TRAF2: variants seen among roughly 807,000 people sequenced by gnomAD.
The protein encoded by TRAF2 is TNF receptor-associated factor 2.
Under a neutral mutation model 55.6 loss-of-function variants are expected in TRAF2, and 6 were observed. The observed-to-expected ratio is 0.11, with a 90% CI of 0.06 to 0.21. The LOEUF is 0.21. Among genes scored for constraint, TRAF2 ranks in the 10% least tolerant of loss-of-function variants. The pLI, the probability that TRAF2 is intolerant of heterozygous loss-of-function variation, is 1.00. For missense variants in TRAF2, 561 were observed against 684.5 expected, an observed-to-expected ratio of 0.82 and a Z score of 2.01; for synonymous variants, 329 against 276.3, an observed-to-expected ratio of 1.19 and a Z score of -1.89.
At chr9:136,916,427 A>G in intron 6 of TRAF2, 114 bp from the exon 7 acceptor site, 1 of 1,031,902 alleles carries the variant, frequency 9.7e-7, no homozygotes, top group Non-Finnish European at 1.5e-6. Context: ...GTGAGAGTGA[A>G]GAGGCCAACG....
chr9:136,906,300 G>A lies in TRAF2; in HGVS notation c.367-1770G>A, dbSNP rs192774797. Among the ~76,000 whole-genome samples the A allele has an allele frequency of 2.5e-3, 377 of 152,172 alleles. 2 individuals carry two copies. The highest frequency in any genetic ancestry group is 8.6e-3 in the African/African-American group (357 of 41,488). ...TTCATACTACTATAAAGAAATACCC[G>A]AGACTTGGGTAGTTTATAAAGAAAA... is the stretch of plus-strand genomic sequence containing the variant. On this transcript the variant is annotated intron_variant, in intron 4 of 10. Coordinates refer to ENST00000247668, the MANE Select transcript of TRAF2 (RefSeq NM_021138.4).
rs750357955 is a variant in TRAF2 at position 136,926,078 on chromosome 9, G to A, written c.*177G>A. On this transcript the variant is annotated 3_prime_UTR_variant, in exon 11 of 11. Coordinates refer to ENST00000247668, the MANE Select transcript of TRAF2 (RefSeq NM_021138.4). ...TCACGGGGGAAGGAGCCACCAGCCAGTCCTCAGATTTCAGAGACTGCGGAG... is the reference window on the plus strand; with the variant it reads ...TCACGGGGGAAGGAGCCACCAGCCAATCCTCAGATTTCAGAGACTGCGGAG... 9.7e-6 allele frequency: 8 copies of A among 828,930 alleles called. No homozygotes were observed. Among genetic ancestry groups the A allele is most frequent in the Non-Finnish European group, 1.5e-5 (7 of 482,444 alleles). The allele number at this position is 828,930 out of a possible 1,614,324, so 51.3% of individuals were successfully genotyped here.
upstream of TRAF2, among the ~76,000 whole-genome samples, chr9:136,882,969 C>G (rs1017265257): frequency 2.1e-4 from 32 of 152,234 alleles, no homozygotes; most frequent in Non-Finnish European, 4.3e-4. Flanking sequence ...CTCGCAGGTT[C>G]AAGCGATTTT....
Position 136,898,772 on chromosome 9 carries a change from C to T in TRAF2, c.32C>T (p.Ser11Phe). MAAASVTPPG[S>F]LELLQPGFSK... ...GCAGCTAGCGTGACCCCCCCTGGCT[C>T]CCTGGAGTTGCTACAGCCCGGCTTC... Residue 11 changes from serine (S) to phenylalanine (F), a missense_variant, in exon 2 of 11, where the codon TCC (serine) becomes TTC (phenylalanine). By Grantham distance (155) the Ser-to-Phe change is radical. Transcript: ENST00000247668. The T allele has an allele frequency of 1.2e-6, 2 of 1,613,744 alleles. No individual in the cohort carries two copies. The highest frequency in any genetic ancestry group is 1.7e-6 in the Non-Finnish European group (2 of 1,180,032).
intron 7 of TRAF2, 188 bp downstream of exon 7, chr9:136,916,803 T>G (rs1243821676): frequency 1.3e-5 from 8 of 606,602 alleles, no homozygotes; most frequent in Non-Finnish European, 2.1e-5. Flanking sequence ...GTCCACTCCC[T>G]CCTGGTGGCA....
intron 6 of TRAF2, among the ~76,000 whole-genome samples, chr9:136,911,056 C>T (rs112015370): frequency 1.2e-4 from 19 of 152,308 alleles, no homozygotes; most frequent in African/African-American, 4.3e-4. Flanking sequence ...GTGCCCTCTG[C>T]GTGTGCCCCA....
intron 3 of TRAF2, 32 bp downstream of exon 3, chr9:136,899,704 G>T: frequency 6.3e-7 from 1 of 1,598,148 alleles, no homozygotes; most frequent in Non-Finnish European, 8.6e-7. Context: ...TAAAAATGTT[G>T]AACAGAAAAT....
At chr9:136,886,425 G>A, upstream of TRAF2, 2 of 999,572 alleles carry the variant, frequency 2.0e-6, no homozygotes, top group Non-Finnish European at 2.4e-6. Context: ...CTGAGGGCTG[G>A]CTGGTTGGCT....
intron 9 of TRAF2, among the ~76,000 whole-genome samples, chr9:136,921,826 T>G (rs17244208): frequency 6.6e-6 from 1 of 152,158 alleles, no homozygotes; most frequent in Non-Finnish European, 1.5e-5. Flanking sequence ...GGACTGTGCT[T>G]CTGGGCGCTG....
In TRAF2 at chr9:136,898,772, C is replaced by G. The variant is rs767818414; in HGVS notation, c.32C>G (p.Ser11Cys). MAAASVTPPG[S>C]LELLQPGFSK... ...GCAGCTAGCGTGACCCCCCCTGGCT[C>G]CCTGGAGTTGCTACAGCCCGGCTTC... Residue 11 changes from serine to cysteine, a missense_variant, in exon 2 of 11, where the codon TCC becomes TGC. By Grantham distance (112) the Ser-to-Cys change is moderately radical. Around this residue, in one of 2 missense-constraint regions of TRAF2, gnomAD observed 426 missense variants for 476.8 expected, o/e 0.89. Transcript: ENST00000247668. The G allele has an allele frequency of 3.7e-5, 59 of 1,613,624 alleles. No individual in the cohort carries two copies. Among genetic ancestry groups the G allele is most frequent in the Non-Finnish European group, 4.9e-5 (58 of 1,180,038 alleles).
intron 6 of TRAF2, among the ~76,000 whole-genome samples, chr9:136,915,936 C>G (rs1422538810): frequency 6.6e-6 from 1 of 152,062 alleles, no homozygotes; most frequent in Non-Finnish European, 1.5e-5. Flanking sequence ...TTCTCACACT[C>G]AGAGCCGCGA....
chr9:136,907,586 C>T (rs1849984469), intron 4 of TRAF2, among the ~76,000 whole-genome samples: 1 of 152,230 alleles, frequency 6.6e-6, no homozygotes, highest in South Asian at 2.1e-4. Context: ...CATGCTATCT[C>T]CCGTGCGTGT....
At chr9:136,900,786 G>A (rs1435875895) in intron 4 of TRAF2, 2 of 427,806 alleles carry the variant, frequency 4.7e-6, no homozygotes, top group African/African-American at 4.1e-5. Context: ...CAGGTTTCTT[G>A]TCTGTCGATG....
In TRAF2 at chr9:136,897,975, C is replaced by T. The variant is rs1201353551; in HGVS notation, c.-28-738C>T. Among the ~76,000 whole-genome samples, 4 of 129,546 alleles carry T rather than the reference C, an allele frequency of 3.1e-5. 1 individual carries two copies. The highest frequency in any genetic ancestry group is 6.4e-5 in the Non-Finnish European group (4 of 62,174). 85.0% of individuals were successfully genotyped at this position (129,546 alleles called of 152,430 possible). A position where few individuals can be genotyped will look rare whatever the true frequency, so the allele number is the denominator to read the frequency against. On this transcript the variant is annotated intron_variant, in intron 1 of 10. Coordinates refer to ENST00000247668, the MANE Select transcript of TRAF2 (RefSeq NM_021138.4). ...CCGCTCTCGGGGCTGGAGGGGAATC[C>T]GTGGTAGCTATAGGGAGTGCACTAG...
intron 1 of TRAF2, among the ~76,000 whole-genome samples, chr9:136,896,031 CT>C (rs1317239032): frequency 3.3e-5 from 5 of 152,108 alleles, no homozygotes; most frequent in Non-Finnish European, 7.4e-5. Flanking sequence ...CACCATGCCC[CT>C]GTCCTTCCTC....
At chr9:136,900,723 C>T (rs762024949) in intron 4 of TRAF2, 48 of 624,064 alleles carry the variant, frequency 7.7e-5, no homozygotes, top group Non-Finnish European at 1.3e-4. Flanking sequence ...AGACCTGCAC[C>T]ATGGAGCTTG....
At chr9:136,925,543 T>C in intron 10 of TRAF2, 140 bp from the exon 11 acceptor site, 2 of 810,476 alleles carry the variant, frequency 2.5e-6, no homozygotes, top group Non-Finnish European at 3.8e-6. Flanking sequence ...GCCCACCACG[T>C]GGTCTCGGCT....
chr9:136,899,144 A>G (rs1849756286), intron 2 of TRAF2, among the ~76,000 whole-genome samples: 1 of 152,262 alleles, frequency 6.6e-6, no homozygotes, highest in African/African-American at 2.4e-5. Context: ...CATGGGGTTA[A>G]ATATAGTACG....
chr9:136,885,465 C>T (rs1849427214), upstream of TRAF2, among the ~76,000 whole-genome samples: 1 of 152,182 alleles, frequency 6.6e-6, no homozygotes, highest in Non-Finnish European at 1.5e-5. Context: ...ATGCAGCCCA[C>T]AGGACTCCTA....
Sources: gnomAD v4.1 joint callset for allele counts (sites outside exome capture counted in the v4.1 genomes callset) on GRCh38, gnomAD v4.1.1 for gene constraint, gnomAD v4.1.1 regional missense constraint, MANE v1.5 for transcripts, NCBI Gene and HGNC (gene_info 2026-07-23, HGNC 2026-07-21) for gene names.